PCDH15: variants seen among roughly 807,000 people sequenced by gnomAD.
PCDH15 encodes the protein protocadherin related 15.
A neutral mutation model predicts 178.5 loss-of-function variants in PCDH15; 129 were observed. The ratio of observed to expected loss-of-function variants is 0.72; its 90% confidence interval spans 0.63 to 0.84. The LOEUF (loss-of-function observed/expected upper bound fraction) is 0.84. Among genes scored for constraint, PCDH15 ranks in the 40% least tolerant of loss-of-function variants. The pLI is 0.00. For synonymous variants in PCDH15, 800 were observed against 732.0 expected (o/e 1.09, Z -1.50); for missense variants, 2,230 against 2,099.9 (o/e 1.06, Z -1.21).
At chr10:55,497,625 C>T (rs1589082930) in intron 2 of PCDH15, among the ~76,000 whole-genome samples, 1 of 151,786 alleles carries the variant, frequency 6.6e-6, no homozygotes, top group Middle Eastern at 3.4e-3. Flanking sequence ...CTAAAATTAA[C>T]AGCATTTAAA....
intron 20 of PCDH15, among the ~76,000 whole-genome samples, chr10:54,001,422 T>C (rs11003985): frequency 0.032 from 4,929 of 152,130 alleles, 216 homozygotes; most frequent in East Asian, 0.15. Context: ...CAATAAAAAC[T>C]TAAAAAGCAT....
chr10:55,118,583 T>C (rs1837683658), intron 2 of PCDH15, among the ~76,000 whole-genome samples: 1 of 152,166 alleles, frequency 6.6e-6, no homozygotes, highest in Non-Finnish European at 1.5e-5. Flanking sequence ...AGCACCCAAG[T>C]GATTTCAATG....
intron 3 of PCDH15, among the ~76,000 whole-genome samples, chr10:54,431,056 C>T (rs543131380): frequency 4.0e-5 from 6 of 151,844 alleles, no homozygotes; most frequent in East Asian, 1.9e-4. Context: ...CCAGAATAGA[C>T]GCAAGAAGAA....
intron 2 of PCDH15, among the ~76,000 whole-genome samples, chr10:54,611,181 C>G (rs1338844962): frequency 6.6e-6 from 1 of 151,748 alleles, no homozygotes; most frequent in African/African-American, 2.4e-5. Flanking sequence ...TATGCTAACT[C>G]CCATTTTCTT....
intron 1 of PCDH15, among the ~76,000 whole-genome samples, chr10:54,719,852 T>G (rs554010309): frequency 6.7e-6 from 1 of 149,312 alleles, no homozygotes; most frequent in East Asian, 2.0e-4. Context: ...CCAAATGACA[T>G]GATCTCATTC....
chr10:54,462,553 T>A lies in PCDH15; in HGVS notation c.157+65259A>T, dbSNP rs12250765. On this transcript the variant is annotated intron_variant, in intron 3 of 37. Coordinates refer to ENST00000644397, the MANE Select transcript of PCDH15 (RefSeq NM_001384140.1). ...TTTTTGAGATGGAGTCTCTCTCTGTTACCCAGGCTGGAGTGCAGTGGCATG... is the reference window on the plus strand; with the variant it reads ...TTTTTGAGATGGAGTCTCTCTCTGTAACCCAGGCTGGAGTGCAGTGGCATG... 9.1e-3 allele frequency among the ~76,000 whole-genome samples: 1,219 copies of A among 133,688 alleles called. 26 individuals carry two copies. Among genetic ancestry groups the A allele is most frequent in the African/African-American group, 0.032 (1,160 of 36,020 alleles). 87.7% of individuals were successfully genotyped at this position (133,688 alleles called of 152,430 possible). A position where few individuals can be genotyped will look rare whatever the true frequency, so the allele number is the denominator to read the frequency against.
intron 2 of PCDH15, among the ~76,000 whole-genome samples, chr10:55,457,973 C>G (rs1839591485): frequency 6.6e-6 from 1 of 152,002 alleles, no homozygotes; most frequent in Admixed American, 6.6e-5. Flanking sequence ...TATTAGATTT[C>G]TAGTGATCTA....
chr10:53,939,472 CTGTT>C (rs375475356), intron 24 of PCDH15, among the ~76,000 whole-genome samples: 9 of 152,096 alleles, frequency 5.9e-5, no homozygotes, highest in African/African-American at 2.2e-4. Flanking sequence ...TGCCCTGTGT[CTGTT>C]TATTTAAATA....
chr10:54,777,198 C>T (rs1949802105), intron 1 of PCDH15, among the ~76,000 whole-genome samples: 1 of 152,114 alleles, frequency 6.6e-6, no homozygotes, highest in African/African-American at 2.4e-5. Context: ...GCTGTCCTGC[C>T]TTAAGACAAT....
At chr10:54,181,459 T>C (rs963063713) in intron 13 of PCDH15, among the ~76,000 whole-genome samples, 1 of 152,128 alleles carries the variant, frequency 6.6e-6, no homozygotes, top group African/African-American at 2.4e-5. Context: ...TTGCATGATG[T>C]TGAGGTTTGG....
intron 2 of PCDH15, among the ~76,000 whole-genome samples, chr10:55,126,417 C>T (rs901655755): frequency 6.6e-6 from 1 of 152,120 alleles, no homozygotes; most frequent in Non-Finnish European, 1.5e-5. Context: ...AACAATCCAT[C>T]TCTGATTTCT....
At chr10:54,612,144 T>C (rs1280048283) in intron 2 of PCDH15, among the ~76,000 whole-genome samples, 2 of 151,774 alleles carry the variant, frequency 1.3e-5, no homozygotes, top group Non-Finnish European at 2.9e-5. Flanking sequence ...TGAATAATTG[T>C]ATAACCCTAA....
intron 6 of PCDH15, among the ~76,000 whole-genome samples, chr10:54,335,523 G>A (rs1318478724): frequency 6.6e-6 from 1 of 152,056 alleles, no homozygotes; most frequent in Non-Finnish European, 1.5e-5. Context: ...ATTGAATCAT[G>A]GCATTTCCCC....
At chr10:54,391,948 T>G (rs1950590400) in intron 3 of PCDH15, among the ~76,000 whole-genome samples, 1 of 152,156 alleles carries the variant, frequency 6.6e-6, no homozygotes, top group Non-Finnish European at 1.5e-5. Context: ...AATTTATGAG[T>G]TAAAGCTTAA....
At chr10:55,008,231 G>A (rs2131939451) in intron 2 of PCDH15, among the ~76,000 whole-genome samples, 1 of 147,242 alleles carries the variant, frequency 6.8e-6, no homozygotes, top group African/African-American at 2.5e-5. Context: ...ATATTCTGGA[G>A]CACCATGTAG....
At chr10:54,030,131 T>C (rs1346747400) in intron 18 of PCDH15, among the ~76,000 whole-genome samples, 1 of 152,064 alleles carries the variant, frequency 6.6e-6, no homozygotes, top group East Asian at 1.9e-4. Context: ...ATTATAAAGG[T>C]GTGAACTACC....
chr10:54,750,094 GTC>G (rs986626419), intron 1 of PCDH15, among the ~76,000 whole-genome samples: 3 of 151,864 alleles, frequency 2.0e-5, no homozygotes, highest in African/African-American at 4.8e-5. Context: ...CCCTTGCTCT[GTC>G]TCTCTTTCTC....
Position 54,673,013 on chromosome 10 carries a change from AT to A in PCDH15, c.-28-8724del, listed in dbSNP as rs1222782873. Among the ~76,000 whole-genome samples, 3 of 151,906 alleles carry A rather than the reference AT, an allele frequency of 2.0e-5. 1 individual carries two copies. The highest frequency in any genetic ancestry group is 4.1e-4 in the South Asian group (2 of 4,828). Reference sequence around the variant, plus strand: ...CAAACAGGTAGTATCTACATTCCTAATTTTTTTTCTTAAATCTGCTTGCATT... The same window carrying A: ...CAAACAGGTAGTATCTACATTCCTAATTTTTTTCTTAAATCTGCTTGCATT... On this transcript the variant is annotated intron_variant, in intron 1 of 37. Coordinates refer to ENST00000644397, the MANE Select transcript of PCDH15 (RefSeq NM_001384140.1).
chr10:55,211,972 AT>A (rs11322091), intron 1 of PCDH15, among the ~76,000 whole-genome samples: 151,983 of 152,154 alleles, frequency 1, 75,908 homozygotes, highest in Non-Finnish European at 1. Context: ...AGCCTGAAAA[AT>A]TTGAGCTGCA....
Sources: allele counts gnomAD v4.1 joint callset (sites outside exome capture counted in the v4.1 genomes callset), GRCh38; gene constraint gnomAD v4.1.1; transcripts MANE v1.5; gene names NCBI Gene and HGNC (gene_info 2026-07-23, HGNC 2026-07-21).